Variants in ARHGAP31 observed in about 807,000 individuals in gnomAD.
ARHGAP31 encodes Rho GTPase activating protein 31, also known as rho GTPase-activating protein 31.
Under a neutral mutation model 113.9 loss-of-function variants are expected in ARHGAP31, and 34 were observed. The ratio of observed to expected loss-of-function variants is 0.30; its 90% CI spans 0.23 to 0.40. The LOEUF (loss-of-function observed/expected upper bound fraction) is 0.40. ARHGAP31 is among the 10% of genes least tolerant of loss of function. The pLI, the probability that ARHGAP31 is intolerant of heterozygous loss-of-function variation, is 1.00. For synonymous variants in ARHGAP31, 650 were observed against 684.8 expected (o/e 0.95, Z 0.79); for missense variants, 1,548 against 1,767.1 (o/e 0.88, Z 2.22).
intron 1 of ARHGAP31, among the ~76,000 whole-genome samples, chr3:119,329,565 C>T (rs1381053087): frequency 6.6e-6 from 1 of 152,146 alleles, no homozygotes; most frequent in Non-Finnish European, 1.5e-5. Context: ...CTAGTTTTCT[C>T]CCCTCCTCCT....
intron 1 of ARHGAP31, among the ~76,000 whole-genome samples, chr3:119,340,500 G>A (rs1431451577): frequency 1.3e-5 from 2 of 152,236 alleles, no homozygotes; most frequent in Non-Finnish European, 2.9e-5. Context: ...TAGCTCAAGT[G>A]TCTTTGAAAA....
At chr3:119,304,561 A>G (rs2079613210) in intron 1 of ARHGAP31, among the ~76,000 whole-genome samples, 1 of 152,134 alleles carries the variant, frequency 6.6e-6, no homozygotes, top group Non-Finnish European at 1.5e-5. Flanking sequence ...AGCTGAGGGT[A>G]CTTAGAGTGG....
rs1481901127 is a variant in ARHGAP31 at position 119,415,334 on chromosome 3, T to G, written c.3405T>G (p.Ser1135=). ...TTAGTTCACCTGGAATGCAGGTCTC[T>G]GAGCCAGGAGACCCAAAGGTCACAT... ...ASFSSPGMQV[S]EPGDPKVTWM... is the part of the protein sequence containing the mutation. The change falls in exon 12 of 12, where the codon TCT becomes TCG. Residue 1135 remains serine (S), a synonymous_variant. Transcript: ENST00000264245. The G allele has an allele frequency of 6.2e-7, 1 of 1,614,192 alleles. No homozygotes were observed. Among genetic ancestry groups the G allele is most frequent in the African/African-American group, 1.3e-5 (1 of 75,066 alleles).
chr3:119,299,337 G>A (rs1229907603), intron 1 of ARHGAP31, among the ~76,000 whole-genome samples: 1 of 152,178 alleles, frequency 6.6e-6, no homozygotes, highest in Non-Finnish European at 1.5e-5. Context: ...GGTAAGAACC[G>A]TCAGCCTTTT....
At chr3:119,395,021 T>C (rs1041568308) in intron 8 of ARHGAP31, among the ~76,000 whole-genome samples, 2 of 152,108 alleles carry the variant, frequency 1.3e-5, no homozygotes, top group African/African-American at 2.4e-5. Flanking sequence ...AATATAGAAA[T>C]AGATAATGCA....
At position 119,402,153 on chromosome 3, in the gene ARHGAP31, C is replaced by A; in HGVS notation, c.1401C>A (p.Thr467=). ...SNDSPSKSVF[T]SSLFQMEPSP... is the part of the protein sequence containing the mutation. ...ACAGCCCTAGCAAATCCGTCTTCAC[C>A]AGCAGCCTCTTCCAGATGGAGCCCT... is the stretch of plus-strand genomic sequence containing the variant. The change falls in exon 10 of 12, where the codon ACC becomes ACA. Residue 467 remains threonine (T), a synonymous_variant. Coordinates refer to ENST00000264245, the MANE Select transcript of ARHGAP31 (RefSeq NM_020754.4). 1 of 1,614,284 alleles carries A rather than the reference C, an allele frequency of 6.2e-7. No homozygotes were observed. Among genetic ancestry groups the A allele is most frequent in the Non-Finnish European group, 8.5e-7 (1 of 1,180,052 alleles).
At position 119,414,831 on chromosome 3, in the gene ARHGAP31, G is replaced by A. The variant is rs761071117; in HGVS notation, c.2902G>A (p.Glu968Lys). ...KPTVKSQWTL[E>K]VPSSSSCANL... ...CACGGTTAAAAGCCAGTGGACTCTC[G>A]AGGTTCCCTCCTCCAGCAGCTGTGC... The change falls in exon 12 of 12, where the codon GAG (glutamate) becomes AAG (lysine). Residue 968 changes from glutamate (E) to lysine (K), a missense_variant. Physicochemically the swap from Glu to Lys is moderately conservative, Grantham distance 56. Coordinates refer to ENST00000264245, the MANE Select transcript of ARHGAP31 (RefSeq NM_020754.4). The A allele has an allele frequency of 6.2e-7, 1 of 1,614,232 alleles. No individual in the cohort carries two copies. The highest frequency in any genetic ancestry group is 1.3e-5 in the African/African-American group (1 of 75,066).
chr3:119,302,019 C>T (rs2079588954), intron 1 of ARHGAP31, among the ~76,000 whole-genome samples: 1 of 152,210 alleles, frequency 6.6e-6, no homozygotes, highest in Non-Finnish European at 1.5e-5. Flanking sequence ...CCATTCAGTG[C>T]TTGCTGTGTA....
At chr3:119,372,413 A>G (rs1450092059) in intron 3 of ARHGAP31, among the ~76,000 whole-genome samples, 2 of 151,170 alleles carry the variant, frequency 1.3e-5, no homozygotes, top group African/African-American at 4.9e-5. Context: ...TCTCCTGAGT[A>G]GCTGGGATTA....
At chr3:119,372,748 T>C (rs2080308979) in intron 3 of ARHGAP31, among the ~76,000 whole-genome samples, 1 of 152,230 alleles carries the variant, frequency 6.6e-6, no homozygotes, top group African/African-American at 2.4e-5. Flanking sequence ...CATTTAATTC[T>C]CAAAATAACC....
intron 1 of ARHGAP31, among the ~76,000 whole-genome samples, chr3:119,365,080 C>G (rs1426687768): frequency 6.6e-6 from 1 of 152,002 alleles, no homozygotes; most frequent in Non-Finnish European, 1.5e-5. Flanking sequence ...GGCAACAGAG[C>G]AAGTCTCAAA....
chr3:119,401,610 C>G (rs2080607996), intron 9 of ARHGAP31, among the ~76,000 whole-genome samples: 1 of 152,130 alleles, frequency 6.6e-6, no homozygotes, highest in Admixed American at 6.5e-5. Flanking sequence ...GCAAATGAAC[C>G]TACCAAAGCA....
chr3:119,326,107 A>ACCGC (rs2079841677), intron 1 of ARHGAP31, among the ~76,000 whole-genome samples: 1 of 152,094 alleles, frequency 6.6e-6, no homozygotes, highest in African/African-American at 2.4e-5. Flanking sequence ...CAGGAGAATC[A>ACCGC]CTTGAACCCA....
intron 1 of ARHGAP31, among the ~76,000 whole-genome samples, chr3:119,336,866 C>A (rs1577000494): frequency 6.6e-6 from 1 of 152,304 alleles, no homozygotes; most frequent in East Asian, 1.9e-4. Flanking sequence ...TAGTTTCTAT[C>A]TTTACAGATT....
At position 119,402,184 on chromosome 3, in the gene ARHGAP31, C is replaced by T. The variant is rs769289362; in HGVS notation, c.1432C>T (p.Arg478Cys). The T allele has an allele frequency of 1.4e-5, 23 of 1,614,172 alleles. No individual in the cohort carries two copies. Among genetic ancestry groups the T allele is most frequent in the Admixed American group, 1.0e-4 (6 of 60,014 alleles). ...CCTCTTCCAGATGGAGCCCTCGCCG[C>T]GTAACCAGCGCAAGGCGCTGAACAT... ...SSLFQMEPSP[R>C]NQRKALNISE... Residue 478 changes from arginine to cysteine, a missense_variant, in exon 10 of 12, where the codon CGT becomes TGT. By Grantham distance (180) the Arg-to-Cys change is radical. Coordinates refer to ENST00000264245, the MANE Select transcript of ARHGAP31 (RefSeq NM_020754.4).
In ARHGAP31 at chr3:119,383,302, G is replaced by A. The variant is rs75497954; in HGVS notation, c.682+76G>A. On this transcript the variant is annotated intron_variant, in intron 6 of 11. Transcript: ENST00000264245. ...AACTAGTGGTGGGACTCAACAGAAA[G>A]TGAGGGTGGGCTTAGTTCTAGCTCT... is the stretch of plus-strand genomic sequence containing the variant. The A allele has an allele frequency of 7.4e-3, 11,761 of 1,580,948 alleles. 57 individuals carry two copies. The highest frequency in any genetic ancestry group is 8.7e-3 in the Non-Finnish European group (10,052 of 1,152,654).
chr3:119,355,415 T>A (rs1411548134), intron 1 of ARHGAP31, among the ~76,000 whole-genome samples: 1 of 151,688 alleles, frequency 6.6e-6, no homozygotes, highest in African/African-American at 2.4e-5. Flanking sequence ...AAAATCCATC[T>A]GGAGAAAAAT....
intron 10 of ARHGAP31, among the ~76,000 whole-genome samples, chr3:119,406,056 G>A (rs1454098988): frequency 1.3e-5 from 2 of 152,190 alleles, no homozygotes; most frequent in African/African-American, 4.8e-5. Flanking sequence ...TCACTGGGAG[G>A]ACCAAAGCAG....
intron 1 of ARHGAP31, among the ~76,000 whole-genome samples, chr3:119,305,635 T>A (rs2079625544): frequency 6.6e-6 from 1 of 152,268 alleles, no homozygotes; most frequent in Non-Finnish European, 1.5e-5. Context: ...TAAGCTTTAT[T>A]GTGGCCTTCA....
Sources: allele counts gnomAD v4.1 joint callset (sites outside exome capture counted in the v4.1 genomes callset), GRCh38; gene constraint gnomAD v4.1.1; transcripts MANE v1.5; gene names NCBI Gene and HGNC (gene_info 2026-07-23, HGNC 2026-07-21).